Variants in CHN1 observed in about 807,000 individuals in gnomAD.
The protein encoded by CHN1 is chimerin 1.
In CHN1, 37 loss-of-function variants were observed where a neutral mutation model predicts 59.5. The ratio of observed to expected loss-of-function variants is 0.62; its 90% CI spans 0.48 to 0.82. The LOEUF (loss-of-function observed/expected upper bound fraction) is 0.82. Ranked by LOEUF, CHN1 falls within the 40% of genes least tolerant of loss-of-function variation. The pLI is 0.00. For synonymous variants in CHN1, 206 were observed against 200.4 expected (o/e 1.03, Z -0.24); for missense variants, 469 against 571.0 (o/e 0.82, Z 1.82).
At chr2:174,889,193 G>A (rs1261362247) in intron 5 of CHN1, among the ~76,000 whole-genome samples, 1 of 152,030 alleles carries the variant, frequency 6.6e-6, no homozygotes, top group Non-Finnish European at 1.5e-5. Flanking sequence ...GGTTTTAGAG[G>A]CCCCTAGAAT....
intron 6 of CHN1, among the ~76,000 whole-genome samples, chr2:174,877,408 C>T (rs1183977917): frequency 1.3e-5 from 2 of 152,028 alleles, no homozygotes; most frequent in South Asian, 2.1e-4. Context: ...TACACACACA[C>T]ATAAAATCTT....
chr2:174,917,575 G>A lies in CHN1; in HGVS notation c.146+959C>T, dbSNP rs76708885. On this transcript the variant is annotated intron_variant, in intron 4 of 12. Transcript: ENST00000409900. ...AAATTTCTAACCCCCAAGACCGCACGTACTGAGATGTTTCATATGATATGG... is the reference window on the plus strand; with the variant it reads ...AAATTTCTAACCCCCAAGACCGCACATACTGAGATGTTTCATATGATATGG... 2.8e-3 allele frequency among the ~76,000 whole-genome samples: 433 copies of A among 151,950 alleles called. 2 individuals carry two copies. Among genetic ancestry groups the A allele is most frequent in the African/African-American group, 9.7e-3 (401 of 41,434 alleles).
intron 5 of CHN1, among the ~76,000 whole-genome samples, chr2:174,908,424 A>G (rs984296982): frequency 6.6e-6 from 1 of 152,188 alleles, no homozygotes; most frequent in African/African-American, 2.4e-5. Flanking sequence ...GTCTTCTACT[A>G]AAAGCCTTCA....
intron 1 of CHN1, among the ~76,000 whole-genome samples, chr2:174,982,194 T>C (rs540386917): frequency 6.6e-5 from 10 of 152,330 alleles, no homozygotes; most frequent in African/African-American, 2.2e-4. Context: ...ATCCAGTCTA[T>C]CATTGTTGGG....
intron 3 of CHN1, among the ~76,000 whole-genome samples, chr2:174,938,736 A>G (rs948295926): frequency 3.3e-5 from 5 of 152,194 alleles, no homozygotes; most frequent in Non-Finnish European, 5.9e-5. Context: ...TGTGAATAAT[A>G]TGTAAGGATA....
chr2:174,894,525 T>C (rs867335633), intron 5 of CHN1, among the ~76,000 whole-genome samples: 2 of 152,270 alleles, frequency 1.3e-5, no homozygotes, highest in South Asian at 2.1e-4. Context: ...TTGGTGAGAC[T>C]GGAAAACGGT....
At chr2:174,827,609 G>A (rs1685732148) in intron 7 of CHN1, among the ~76,000 whole-genome samples, 1 of 152,206 alleles carries the variant, frequency 6.6e-6, no homozygotes, top group Non-Finnish European at 1.5e-5. Context: ...GTTAAGGGGA[G>A]TGACACGGTC....
intron 5 of CHN1, among the ~76,000 whole-genome samples, chr2:174,905,887 T>C (rs568928677): frequency 6.6e-6 from 1 of 152,228 alleles, no homozygotes; most frequent in East Asian, 1.9e-4. Context: ...TGAAATACCA[T>C]TCAAGAGTAA....
chr2:174,824,727 C>T (rs1191155624), intron 7 of CHN1, among the ~76,000 whole-genome samples: 2 of 152,158 alleles, frequency 1.3e-5, no homozygotes, highest in Non-Finnish European at 2.9e-5. Flanking sequence ...CCTCCCACCT[C>T]AGCCTCCTGA....
At chr2:174,976,575 A>G (rs988216195) in intron 1 of CHN1, among the ~76,000 whole-genome samples, 4 of 152,156 alleles carry the variant, frequency 2.6e-5, no homozygotes, top group Non-Finnish European at 5.9e-5. Flanking sequence ...GTCAAAATGC[A>G]ATCAAGATTC....
intron 6 of CHN1, among the ~76,000 whole-genome samples, chr2:174,874,504 A>G (rs1194329256): frequency 1.3e-5 from 2 of 152,226 alleles, no homozygotes; most frequent in Non-Finnish European, 2.9e-5. Flanking sequence ...GATCCTAGGG[A>G]CAAGTAAGAA....
chr2:174,864,298 C>G (rs1031616831), intron 6 of CHN1, among the ~76,000 whole-genome samples: 1 of 152,092 alleles, frequency 6.6e-6, no homozygotes. Context: ...TTTCAAAGAG[C>G]TAGGGATGCT....
intron 3 of CHN1, among the ~76,000 whole-genome samples, chr2:174,934,119 C>G (rs1267998550): frequency 6.6e-6 from 1 of 152,144 alleles, no homozygotes; most frequent in African/African-American, 2.4e-5. Flanking sequence ...ATGATTCACG[C>G]ACATTACATT....
intron 7 of CHN1, chr2:174,846,310 C>T (rs1686512363): frequency 6.5e-7 from 1 of 1,548,090 alleles, no homozygotes; most frequent in Non-Finnish European, 8.7e-7. Flanking sequence ...TACACATACG[C>T]ATACATGGTG....
At chr2:174,807,805 G>GA (rs1342336378) in intron 11 of CHN1, among the ~76,000 whole-genome samples, 1 of 152,024 alleles carries the variant, frequency 6.6e-6, no homozygotes, top group African/African-American at 2.4e-5. Flanking sequence ...TTAGAACAAA[G>GA]AAAGATTGTA....
intron 6 of CHN1, among the ~76,000 whole-genome samples, chr2:174,867,434 G>T (rs1192663234): frequency 6.6e-6 from 1 of 151,652 alleles, no homozygotes; most frequent in Admixed American, 6.6e-5. Flanking sequence ...GACAGTATAG[G>T]GAAAAAGAGT....
chr2:174,808,440 C>T (rs555797462), intron 11 of CHN1, among the ~76,000 whole-genome samples: 62 of 152,254 alleles, frequency 4.1e-4, no homozygotes, highest in Non-Finnish European at 7.2e-4. Flanking sequence ...CGTGCCACCA[C>T]GCCCAGCTAA....
chr2:174,855,508 T>C (rs1467740878), intron 6 of CHN1, among the ~76,000 whole-genome samples: 2 of 152,162 alleles, frequency 1.3e-5, no homozygotes, highest in Non-Finnish European at 2.9e-5. Context: ...TTCAAGCAAA[T>C]TCAACTCAAC....
rs565159679 is a variant in CHN1 at position 174,960,565 on chromosome 2, G to A, written c.20-8363C>T. 3.2e-4 allele frequency among the ~76,000 whole-genome samples: 48 copies of A among 152,206 alleles called. 1 individual carries two copies. Among genetic ancestry groups the A allele is most frequent in the African/African-American group, 9.6e-4 (40 of 41,544 alleles). On this transcript the variant is annotated intron_variant, in intron 1 of 12. Transcript: ENST00000409900. ...TGGAAATTAAAACACAGCTGGGGCC[G>A]GGCACGGTGGCTCATGCCTGTAATC... is the stretch of plus-strand genomic sequence containing the variant.
Sources: allele counts gnomAD v4.1 joint callset (sites outside exome capture counted in the v4.1 genomes callset), GRCh38; gene constraint gnomAD v4.1.1; transcripts MANE v1.5; gene names NCBI Gene and HGNC (gene_info 2026-07-23, HGNC 2026-07-21).